PRIM2: variants seen among roughly 807,000 people sequenced by gnomAD.
PRIM2 encodes DNA primase subunit 2.
A neutral mutation model predicts 67.3 loss-of-function variants in PRIM2; 39 were observed. That is an observed-to-expected ratio of 0.58 (90% CI 0.45 to 0.76). The LOEUF (loss-of-function observed/expected upper bound fraction) is 0.76, where lower values mean the gene tolerates loss of function less well. PRIM2 is among the 30% of genes least tolerant of loss of function. The pLI is 0.00. For missense variants in PRIM2, 398 were observed against 598.7 expected (o/e 0.66, Z 3.50); for synonymous variants, 143 against 198.7 (o/e 0.72, Z 2.36).
At chr6:57,487,223 T>C (rs1773774769) in intron 7 of PRIM2, among the ~76,000 whole-genome samples, 1 of 152,188 alleles carries the variant, frequency 6.6e-6, no homozygotes, top group African/African-American at 2.4e-5. Flanking sequence ...TTCTATGACA[T>C]ATTCATGTTG....
chr6:57,462,320 T>A (rs200815099), intron 7 of PRIM2, among the ~76,000 whole-genome samples: 16,068 of 152,252 alleles, frequency 0.11, 937 homozygotes, highest in East Asian at 0.2. Context: ...CAGAATAATT[T>A]GTTAGCATTT....
chr6:57,477,834 A>G (rs1177371178), intron 7 of PRIM2, among the ~76,000 whole-genome samples: 1 of 152,328 alleles, frequency 6.6e-6, no homozygotes, highest in African/African-American at 2.4e-5. Flanking sequence ...TTGTGATTAT[A>G]AGCAATATTT....
chr6:57,414,308 T>C (rs1282582875), intron 7 of PRIM2, among the ~76,000 whole-genome samples: 3 of 152,190 alleles, frequency 2.0e-5, no homozygotes, highest in Non-Finnish European at 2.9e-5. Context: ...AGATCCATCT[T>C]GGTATCCCTA....
At chr6:57,330,361 G>GTTTTTT (rs59599812) in intron 5 of PRIM2, among the ~76,000 whole-genome samples, 6 of 110,396 alleles carry the variant, frequency 5.4e-5, no homozygotes, top group African/African-American at 1.1e-4. Flanking sequence ...TTTTTTTTTT[G>GTTTTTT]TTTTTGTTTT....
At position 57,494,378 on chromosome 6, in the gene PRIM2, T is replaced by C. The variant is rs1341762008; in HGVS notation, c.694-13009T>C. Among the ~76,000 whole-genome samples the C allele has an allele frequency of 3.9e-5, 6 of 152,328 alleles. No individual in the cohort carries two copies. In the East Asian group the frequency reaches 1.2e-3, roughly 29 times the overall value. ...TTTTCACTTTTAGACCAGCATCTTT[T>C]CTTTACCGTAGAATCTAATTATTGT... On this transcript the variant is annotated intron_variant, in intron 7 of 13. Coordinates refer to ENST00000615550, the MANE Select transcript of PRIM2 (RefSeq NM_000947.5).
chr6:57,315,036 C>G (rs567147302), upstream of PRIM2: 1 of 152,216 alleles, frequency 6.6e-6, no homozygotes, highest in South Asian at 2.1e-4. Context: ...GAAAAGGCAG[C>G]TATTATGTGA....
chr6:57,523,379 C>T (rs1425249550), intron 8 of PRIM2, among the ~76,000 whole-genome samples: 1 of 152,242 alleles, frequency 6.6e-6, no homozygotes. Context: ...TCACGCTTCT[C>T]TATTTATTGC....
chr6:57,443,320 C>T (rs1772261674), intron 7 of PRIM2, among the ~76,000 whole-genome samples: 1 of 152,150 alleles, frequency 6.6e-6, no homozygotes, highest in African/African-American at 2.4e-5. Context: ...TTTGAGGAAT[C>T]CTTGTAACAT....
At chr6:57,513,308 A>G (rs1554347889) in intron 8 of PRIM2, among the ~76,000 whole-genome samples, 58 of 148,204 alleles carry the variant, frequency 3.9e-4, no homozygotes, top group African/African-American at 1.5e-3. Flanking sequence ...TGCTATCCTA[A>G]TGATGGTACC....
chr6:57,288,460 T>C, the PRIM2 span, among the ~76,000 whole-genome samples: 2 of 152,096 alleles, frequency 1.3e-5, no homozygotes, highest in South Asian at 4.1e-4. Context: ...CGGCACAGCG[T>C]TCAAGCTTTG....
intron 7 of PRIM2, among the ~76,000 whole-genome samples, chr6:57,434,334 A>G (rs1771941221): frequency 6.6e-6 from 1 of 152,090 alleles, no homozygotes; most frequent in Admixed American, 6.5e-5. Flanking sequence ...ACTGATAACC[A>G]TGTTATCAGT....
chr6:57,537,333 G>GTT, intron 9 of PRIM2, 107 bp from the exon 10 acceptor site: 15 of 502,026 alleles, frequency 3.0e-5, no homozygotes, highest in South Asian at 1.1e-4. Flanking sequence ...TTCTTATGGT[G>GTT]TTTTTTTTTT....
In PRIM2 at chr6:57,512,152, A is replaced by T. The variant is rs1774385826; in HGVS notation, c.761+4698A>T. On this transcript the variant is annotated intron_variant, in intron 8 of 13. Transcript: ENST00000615550. The stretch of plus-strand genomic sequence containing the variant: ...TATGATGGGTGCTAATGGTATGGAT[A>T]CAAGTCCAAGTCTTATGAGGATTTG... 2.0e-5 allele frequency among the ~76,000 whole-genome samples: 3 copies of T among 152,286 alleles called. No individual in the cohort carries two copies. In the South Asian group the frequency reaches 6.2e-4, roughly 32 times the overall value.
chr6:57,391,631 A>C (rs1432963594), intron 7 of PRIM2, among the ~76,000 whole-genome samples: 2 of 152,114 alleles, frequency 1.3e-5, no homozygotes, highest in South Asian at 2.1e-4. Flanking sequence ...TCTTTTCCCC[A>C]TTGCTTGTTT....
intron 7 of PRIM2, among the ~76,000 whole-genome samples, chr6:57,423,944 T>TG (rs1771541613): frequency 6.6e-6 from 1 of 152,226 alleles, no homozygotes; most frequent in Non-Finnish European, 1.5e-5. Context: ...AGGAGTGCAG[T>TG]GGGTACATAC....
chr6:57,464,364 G>A (rs932443587), intron 7 of PRIM2, among the ~76,000 whole-genome samples: 1 of 151,238 alleles, frequency 6.6e-6, no homozygotes, highest in Admixed American at 6.6e-5. Flanking sequence ...TTCAACCTCC[G>A]TCTCCCAGGT....
chr6:57,249,217 C>T, the PRIM2 span, among the ~76,000 whole-genome samples: 1 of 152,162 alleles, frequency 6.6e-6, no homozygotes, highest in Non-Finnish European at 1.5e-5. Flanking sequence ...TTTTCCTTTC[C>T]TTCCCTGCTT....
chr6:57,436,865 C>T (rs971520269), intron 7 of PRIM2, among the ~76,000 whole-genome samples: 13 of 152,186 alleles, frequency 8.5e-5, no homozygotes, highest in African/African-American at 3.1e-4. Flanking sequence ...GTGCTTACTA[C>T]TTAAGATTCT....
chr6:57,403,036 C>T (rs1325116772), intron 7 of PRIM2, among the ~76,000 whole-genome samples: 1 of 151,938 alleles, frequency 6.6e-6, no homozygotes, highest in Non-Finnish European at 1.5e-5. Context: ...TATATACACA[C>T]ATAATTTTAT....
Sources: gnomAD v4.1 joint callset for allele counts (sites outside exome capture counted in the v4.1 genomes callset) on GRCh38, gnomAD v4.1.1 for gene constraint, MANE v1.5 for transcripts, NCBI Gene and HGNC (gene_info 2026-07-23, HGNC 2026-07-21) for gene names.